The following PPP2R5C variants were observed in gnomAD, a reference collection of about 807,000 sequenced individuals.
PPP2R5C encodes the protein serine/threonine-protein phosphatase 2A 56 kDa regulatory subunit gamma isoform.
A neutral mutation model predicts 68.9 loss-of-function variants in PPP2R5C; 7 were observed. That is an observed-to-expected ratio of 0.10 (90% confidence interval 0.06 to 0.19). The LOEUF is 0.19. Ranked by LOEUF, PPP2R5C falls within the 10% of genes least tolerant of loss-of-function variation. The pLI is 1.00. For missense variants in PPP2R5C, 348 were observed against 641.3 expected, an observed-to-expected ratio of 0.54 and a Z score of 4.94; for synonymous variants, 210 against 222.2, an observed-to-expected ratio of 0.95 and a Z score of 0.49.
chr14:101,808,752 A>G (rs141881296), upstream of PPP2R5C, among the ~76,000 whole-genome samples: 33 of 152,358 alleles, frequency 2.2e-4, no homozygotes, highest in African/African-American at 7.2e-4. Flanking sequence ...ATGAGGAGCC[A>G]TGGTTTGGAC....
chr14:101,767,588 C>T (rs2036923765), intron 2 of PPP2R5C, among the ~76,000 whole-genome samples: 1 of 152,176 alleles, frequency 6.6e-6, no homozygotes, highest in Non-Finnish European at 1.5e-5. Context: ...TTCCATACAA[C>T]CCTAAGCTGA....
intron 3 of PPP2R5C, among the ~76,000 whole-genome samples, chr14:101,791,591 C>T (rs1206382419): frequency 2.6e-5 from 4 of 151,760 alleles, no homozygotes; most frequent in East Asian, 1.9e-4. Flanking sequence ...TTTTGTTATT[C>T]GTTGTAAATC....
At chr14:101,864,831 T>C (rs539190638) in intron 2 of PPP2R5C, among the ~76,000 whole-genome samples, 1 of 151,866 alleles carries the variant, frequency 6.6e-6, no homozygotes, top group Non-Finnish European at 1.5e-5. Context: ...TGAGGTTGGG[T>C]GGGAGAGCTG....
intron 8 of PPP2R5C, among the ~76,000 whole-genome samples, chr14:101,896,421 C>T (rs1418910813): frequency 3.3e-5 from 5 of 151,996 alleles, no homozygotes; most frequent in African/African-American, 1.2e-4. Flanking sequence ...ATCTTTTCAG[C>T]GCTTGTTGAC....
At chr14:101,807,038 A>G (rs2039106541), upstream of PPP2R5C, among the ~76,000 whole-genome samples, 2 of 152,144 alleles carry the variant, frequency 1.3e-5, no homozygotes, top group African/African-American at 4.8e-5. Context: ...AGGTATTTAC[A>G]TGTTATTTTT....
At chr14:101,870,021 T>G (rs1218911677) in intron 2 of PPP2R5C, among the ~76,000 whole-genome samples, 1 of 151,388 alleles carries the variant, frequency 6.6e-6, no homozygotes, top group Non-Finnish European at 1.5e-5. Flanking sequence ...TCCAATTGTT[T>G]GCCTGTTTTT....
intron 1 of PPP2R5C, among the ~76,000 whole-genome samples, chr14:101,841,071 C>T (rs148571630): frequency 1.3e-5 from 2 of 152,314 alleles, no homozygotes; most frequent in African/African-American, 2.4e-5. Context: ...AAGCACTGTA[C>T]ATCTCTTAAT....
chr14:101,791,186 G>A (rs1486236927), intron 3 of PPP2R5C, among the ~76,000 whole-genome samples: 1 of 152,240 alleles, frequency 6.6e-6, no homozygotes, highest in Non-Finnish European at 1.5e-5. Flanking sequence ...CTCTGATGTG[G>A]CCACATTCTT....
At chr14:101,775,472 A>G (rs2139995970) in intron 2 of PPP2R5C, among the ~76,000 whole-genome samples, 2 of 152,322 alleles carry the variant, frequency 1.3e-5, no homozygotes, top group Non-Finnish European at 2.9e-5. Context: ...GCCTGGCTGC[A>G]CGGAAGGTTG....
Position 101,856,666 on chromosome 14 carries a change from C to T in PPP2R5C, c.95-20C>T. On this transcript the variant is annotated intron_variant, in intron 1 of 13. Transcript: ENST00000334743. ...GTTAAGCACTTTTGTGATCAATATA[C>T]TTTGCTTTCTGCTTTTCAGATGTTC... 5 of 1,604,946 alleles carry T rather than the reference C, an allele frequency of 3.1e-6. No homozygotes were observed. The highest frequency in any genetic ancestry group is 4.3e-6 in the Non-Finnish European group (5 of 1,171,820).
intron 13 of PPP2R5C, among the ~76,000 whole-genome samples, chr14:101,923,434 CTTTG>C (rs1397643618): frequency 6.6e-6 from 1 of 152,072 alleles, no homozygotes; most frequent in Non-Finnish European, 1.5e-5. Flanking sequence ...TTTTGCTTCA[CTTTG>C]TTTTACAGAT....
chr14:101,894,691 C>T lies in PPP2R5C; in HGVS notation c.852+131C>T, dbSNP rs1057453400. 2.4e-5 allele frequency: 19 copies of T among 799,200 alleles called. No individual in the cohort carries two copies. The African/African-American group carries it at 3.1e-4, about 13-fold the overall frequency. The allele number at this position is 799,200 out of a possible 1,614,324, so 49.5% of individuals were successfully genotyped here. On this transcript the variant is annotated intron_variant, in intron 8 of 13. Coordinates refer to ENST00000334743, the Ensembl canonical transcript of PPP2R5C. ...TTAAATTGCAATACTAATAAACAGG[C>T]TCATTTCATTCATGGGTTATAGGTT... is the stretch of plus-strand genomic sequence containing the variant.
intron 3 of PPP2R5C, among the ~76,000 whole-genome samples, chr14:101,799,665 G>C (rs760964140): frequency 6.6e-6 from 1 of 152,218 alleles, no homozygotes; most frequent in African/African-American, 2.4e-5. Context: ...GATAGCTTCA[G>C]TGAGCCTACA....
intron 11 of PPP2R5C, among the ~76,000 whole-genome samples, chr14:101,912,030 A>G (rs1566965098): frequency 1.3e-5 from 2 of 152,116 alleles, no homozygotes; most frequent in African/African-American, 2.4e-5. Context: ...CTTTTACAGT[A>G]CTGGTCCCTT....
chr14:101,832,542 G>A (rs566516749), intron 1 of PPP2R5C, among the ~76,000 whole-genome samples: 2 of 152,292 alleles, frequency 1.3e-5, no homozygotes, highest in Non-Finnish European at 2.9e-5. Flanking sequence ...GGAAACCCCA[G>A]GGTGGGCGAC....
chr14:101,914,021 G>A (rs146333983), intron 12 of PPP2R5C, among the ~76,000 whole-genome samples: 1 of 152,340 alleles, frequency 6.6e-6, no homozygotes, highest in Non-Finnish European at 1.5e-5. Context: ...ACATGGCCCA[G>A]TTTCACTACT....
intron 3 of PPP2R5C, among the ~76,000 whole-genome samples, chr14:101,792,286 T>C (rs140545327): frequency 1.3e-5 from 2 of 152,380 alleles, no homozygotes; most frequent in African/African-American, 4.8e-5. Context: ...ATTGAACAAT[T>C]ACATATTTCC....
chr14:101,914,248 C>G, intron 12 of PPP2R5C: 1 of 454,164 alleles, frequency 2.2e-6, no homozygotes, highest in South Asian at 1.6e-5. Context: ...GTCCTCATGT[C>G]TGTGTTGACG....
Position 101,889,800 on chromosome 14 carries a change from T to A in PPP2R5C, c.630-437T>A. ...AGGAACTGTGCTAAATATTGCGGGC[T>A]TTAAAATTAAGTAAGACATTGGCCT... On this transcript the variant is annotated intron_variant, in intron 5 of 13. Transcript: ENST00000334743. 3 of 363,546 alleles carry A rather than the reference T, an allele frequency of 8.3e-6. No individual in the cohort carries two copies. The Admixed American group carries it at 1.1e-4, about 14-fold the overall frequency. 22.5% of individuals were successfully genotyped at this position (363,546 alleles called of 1,614,324 possible). A position where few individuals can be genotyped will look rare whatever the true frequency, so the allele number is the denominator to read the frequency against.
Sources: allele counts gnomAD v4.1 joint callset (sites outside exome capture counted in the v4.1 genomes callset), GRCh38; gene constraint gnomAD v4.1.1; transcripts MANE v1.5; gene names NCBI Gene and HGNC (gene_info 2026-07-23, HGNC 2026-07-21).